Variants in DHX37 observed in about 807,000 individuals in gnomAD.
The protein encoded by DHX37 is probable ATP-dependent RNA helicase DHX37.
In DHX37, 52 loss-of-function variants were observed where a neutral mutation model predicts 134.3. The ratio of observed to expected loss-of-function variants is 0.39; its 90% CI spans 0.31 to 0.49. The LOEUF is 0.49. DHX37 is among the 20% of genes least tolerant of loss of function. The probability of loss-of-function intolerance (pLI) is 0.93; values close to 1 mark genes in which losing one functional copy is unlikely to be tolerated. For synonymous variants in DHX37, 634 were observed against 670.7 expected (o/e 0.95, Z 0.85); for missense variants, 1,344 against 1,580.8 (o/e 0.85, Z 2.54).
At chr12:124,967,255 C>G (rs1381755601) in intron 10 of DHX37, 37 bp from the exon 11 acceptor site, 1 of 1,600,998 alleles carries the variant, frequency 6.2e-7, no homozygotes, top group Non-Finnish European at 8.5e-7. Context: ...ATCCATCAGT[C>G]ACTCACAAAC....
chr12:124,968,419 TG>T (rs1370477765), intron 10 of DHX37, 114 bp downstream of exon 10: 7 of 1,515,598 alleles, frequency 4.6e-6, no homozygotes, highest in Non-Finnish European at 6.2e-6. Context: ...AGCCGAGGCC[TG>T]GCAGGGTCAA....
intron 15 of DHX37, among the ~76,000 whole-genome samples, chr12:124,961,485 G>A (rs961513886): frequency 6.6e-6 from 1 of 152,178 alleles, no homozygotes; most frequent in African/African-American, 2.4e-5. Flanking sequence ...CTGGAGTGCA[G>A]GGGCATGATC....
In DHX37 at chr12:124,950,733, C is replaced by A; in HGVS notation, c.2940G>T (p.Val980=). The change falls in exon 22 of 27, where the codon GTG becomes GTT. Residue 980 remains valine (V), a synonymous_variant. Transcript: ENST00000308736. Reference sequence around the variant, plus strand: ...TGGTCTCCACGATTTCCTGGTAGACCACAAACTCGGGGAGCTCTTTGAAAA... The same window carrying A: ...TGGTCTCCACGATTTCCTGGTAGACAACAAACTCGGGGAGCTCTTTGAAAA... ...SVLFKELPEF[V]VYQEIVETTK... 1 of 1,610,088 alleles carries A rather than the reference C, an allele frequency of 6.2e-7. No homozygotes were observed. Among genetic ancestry groups the A allele is most frequent in the Non-Finnish European group, 8.5e-7 (1 of 1,178,922 alleles).
At position 124,964,433 on chromosome 12, in the gene DHX37, G is replaced by A. The variant is rs370648754; in HGVS notation, c.2006C>T (p.Ala669Val). The change falls in exon 15 of 27, where the codon GCG (alanine) becomes GTG (valine). Residue 669 changes from alanine (A) to valine (V), a missense_variant. By Grantham distance (64) the Ala-to-Val change is moderately conservative. This residue lies in a region of DHX37 where 39 missense variants were observed against 87.9 expected (regional missense o/e 0.44). Transcript: ENST00000308736. ...WVSQASADQR[A>V]GRAGRTEPGH... ...GGGCTCCGTCCGTCCTGCTCTGCCC[G>A]CTCGCTGGTCAGCTGATGCCTGGGA... 9.9e-6 allele frequency: 16 copies of A among 1,613,950 alleles called. No individual in the cohort carries two copies. In the African/African-American group the frequency reaches 1.1e-4, roughly 11 times the overall value.
chr12:124,983,527 G>A (rs1435683708), intron 2 of DHX37, among the ~76,000 whole-genome samples: 1 of 151,764 alleles, frequency 6.6e-6, no homozygotes, highest in Admixed American at 6.6e-5. Flanking sequence ...GCTCACGCCT[G>A]CAATCTCAGC....
At chr12:124,961,893 A>T (rs2135941793) in intron 15 of DHX37, among the ~76,000 whole-genome samples, 1 of 152,306 alleles carries the variant, frequency 6.6e-6, no homozygotes, top group East Asian at 1.9e-4. Flanking sequence ...CCACAATATG[A>T]TACCACTTCA....
intron 14 of DHX37, 129 bp downstream of exon 14, chr12:124,964,801 C>T (rs371517524): frequency 2.7e-5 from 39 of 1,430,556 alleles, no homozygotes; most frequent in Non-Finnish European, 1.6e-5. Context: ...AAAACTACCC[C>T]AATATTCCTC....
chr12:124,975,306 A>G (rs1954612924), intron 6 of DHX37, 113 bp downstream of exon 6: 1 of 1,079,948 alleles, frequency 9.3e-7, no homozygotes, highest in Non-Finnish European at 1.4e-6. Context: ...CAGAGGTGAC[A>G]CTCCACCCAG....
At chr12:124,951,576 C>T (rs1035379219) in intron 21 of DHX37, among the ~76,000 whole-genome samples, 2 of 152,176 alleles carry the variant, frequency 1.3e-5, no homozygotes, top group African/African-American at 2.4e-5. Flanking sequence ...CTAAAACCCA[C>T]TGAATTGAAC....
At chr12:124,964,195 C>CAAAAAAAAAA (rs397692928) in intron 15 of DHX37, among the ~76,000 whole-genome samples, 199 bp downstream of exon 15, 1 of 57,462 alleles carries the variant, frequency 1.7e-5, no homozygotes, top group African/African-American at 7.0e-5. Flanking sequence ...AACTCCATCT[C>CAAAAAAAAAA]AAAAAAAAAA....
intron 6 of DHX37, among the ~76,000 whole-genome samples, chr12:124,972,966 C>T (rs1954550034): frequency 1.3e-5 from 2 of 152,162 alleles, no homozygotes; most frequent in South Asian, 2.1e-4. Context: ...ATGTGTTTCA[C>T]AAAAAGTCCT....
In DHX37 at chr12:124,952,509, C is replaced by T; in HGVS notation, c.2757G>A (p.Glu919=). 6.2e-7 allele frequency: 1 copy of T among 1,605,858 alleles called. No individual in the cohort carries two copies. The highest frequency in any genetic ancestry group is 8.5e-7 in the Non-Finnish European group (1 of 1,174,144). The change falls in exon 21 of 27, where the codon GAG becomes GAA. Residue 919 remains glutamate (E), a synonymous_variant. Coordinates refer to ENST00000308736, the MANE Select transcript of DHX37 (RefSeq NM_032656.4). The part of the protein sequence containing the change: ...FVDPKMQPPT[E]SQVTYLRQIV... Reference sequence around the variant, plus strand: ...TCTGTCGCAGGTAGGTCACCTGGCTCTCGGTGGGCGGCTGCATCTTGGGAT... The same window carrying T: ...TCTGTCGCAGGTAGGTCACCTGGCTTTCGGTGGGCGGCTGCATCTTGGGAT...
Position 124,950,694 on chromosome 12 carries a change from C to T in DHX37, c.2979G>A (p.Met993Ile), listed in dbSNP as rs892531538. Reference protein sequence around the residue: ...QEIVETTKMYMKGVSSVEVQW... With the variant: ...QEIVETTKMYIKGVSSVEVQW... Reference sequence around the variant, plus strand: ...GCTGTCCGCAGGCCTCGGCACCTTTCATGTACATCTTAGTGGTCTCCACGA... The same window carrying T: ...GCTGTCCGCAGGCCTCGGCACCTTTTATGTACATCTTAGTGGTCTCCACGA... The change falls in exon 22 of 27, where the codon ATG (methionine) becomes ATA (isoleucine). Residue 993 changes from methionine (M) to isoleucine (I), a missense_variant. By Grantham distance (10) the Met-to-Ile change is conservative (BLOSUM62 1). Coordinates refer to ENST00000308736, the MANE Select transcript of DHX37 (RefSeq NM_032656.4). 1 of 1,612,670 alleles carries T rather than the reference C, an allele frequency of 6.2e-7. No homozygotes were observed.
chr12:124,968,898 C>A lies in DHX37; in HGVS notation c.1262G>T (p.Arg421Leu). The change falls in exon 9 of 27, where the codon CGG becomes CTG. Residue 421 changes from arginine (R) to leucine (L), a missense_variant. Around this residue, in one of 7 missense-constraint regions of DHX37, gnomAD observed 289 missense variants for 323.8 expected, o/e 0.89. Coordinates refer to ENST00000308736, the MANE Select transcript of DHX37 (RefSeq NM_032656.4). ...GACCGGCGGCGGCTTGGCGAAGAGCCGTGGGTTCTGGGTGAAGTCCTCCAC... is the reference window on the plus strand; with the variant it reads ...GACCGGCGGCGGCTTGGCGAAGAGCAGTGGGTTCTGGGTGAAGTCCTCCAC... ...LRVEDFTQNP[R>L]LFAKPPPVIK... 6.2e-7 allele frequency: 1 copy of A among 1,614,046 alleles called. No homozygotes were observed. Among genetic ancestry groups the A allele is most frequent in the Non-Finnish European group, 8.5e-7 (1 of 1,180,030 alleles).
At position 124,960,357 on chromosome 12, in the gene DHX37, A is replaced by G; in HGVS notation, c.2112T>C (p.Pro704=). ...TCATTTGAAGGATTAAGTCTTCAAC[A>G]GGCCTCCGGGTGATTTCTGGAGGAG... ...QFPPPEITRR[P]VEDLILQMKA... The change falls in exon 16 of 27, where the codon CCT becomes CCC. Residue 704 remains proline, a synonymous_variant. Transcript: ENST00000308736. 1 of 1,614,208 alleles carries G rather than the reference A, an allele frequency of 6.2e-7. No homozygotes were observed. Among genetic ancestry groups the G allele is most frequent in the South Asian group, 1.1e-5 (1 of 91,090 alleles).
Position 124,986,371 on chromosome 12 carries a change from G to C in DHX37, c.107-106C>G, listed in dbSNP as rs911855474. On this transcript the variant is annotated intron_variant, in intron 1 of 26. Transcript: ENST00000308736. ...GGGGGCCTCCTGAGTCTGCACACAG[G>C]AACAGGGGGATCTGTGAGCTCAAAT... 31 of 1,211,052 alleles carry C rather than the reference G, an allele frequency of 2.6e-5. No individual in the cohort carries two copies. The African/African-American group carries it at 4.7e-4, about 19-fold the overall frequency. 75.0% of individuals were successfully genotyped at this position (1,211,052 alleles called of 1,614,324 possible). A position where few individuals can be genotyped will look rare whatever the true frequency, so the allele number is the denominator to read the frequency against.
intron 16 of DHX37, among the ~76,000 whole-genome samples, chr12:124,958,022 T>C (rs1161813417): frequency 6.6e-6 from 1 of 152,102 alleles, no homozygotes; most frequent in East Asian, 1.9e-4. Context: ...TAGGATTCCA[T>C]CTGCATGAAA....
chr12:124,952,648 A>G, intron 20 of DHX37, 78 bp from the exon 21 acceptor site: 2 of 1,435,896 alleles, frequency 1.4e-6, no homozygotes. Context: ...AGAAAGTCCC[A>G]ACCATGCTCA....
At chr12:124,981,929 G>T (rs1954769026) in intron 3 of DHX37, among the ~76,000 whole-genome samples, 2 of 151,678 alleles carry the variant, frequency 1.3e-5, no homozygotes, top group Non-Finnish European at 2.9e-5. Context: ...TTCGAGACCA[G>T]CCTGACCAAC....
Sources: allele counts gnomAD v4.1 joint callset (sites outside exome capture counted in the v4.1 genomes callset), GRCh38; gene constraint gnomAD v4.1.1; regional missense constraint gnomAD v4.1.1; transcripts MANE v1.5; gene names NCBI Gene and HGNC (gene_info 2026-07-23, HGNC 2026-07-21).